The following NTM variants were observed in gnomAD, a reference collection of about 807,000 sequenced individuals.
NTM encodes the protein neurotrimin, also known as IgLON family member 2.
Under a neutral mutation model 42.1 loss-of-function variants are expected in NTM, and 13 were observed. The ratio of observed to expected loss-of-function variants is 0.31; its 90% confidence interval spans 0.20 to 0.49. The LOEUF is 0.49. Ranked by LOEUF, NTM falls within the 20% of genes least tolerant of loss-of-function variation. The probability of loss-of-function intolerance (pLI) is 0.99; values close to 1 mark genes in which losing one functional copy is unlikely to be tolerated. For missense variants in NTM, 373 were observed against 452.8 expected (o/e 0.82, Z 1.60); for synonymous variants, 187 against 179.2 (o/e 1.04, Z -0.35).
chr11:131,893,328 T>C (rs2051687297), intron 1 of NTM, among the ~76,000 whole-genome samples: 1 of 152,182 alleles, frequency 6.6e-6, no homozygotes, highest in Non-Finnish European at 1.5e-5. Flanking sequence ...AATGAGTCAG[T>C]TTCCTCCTTC....
chr11:131,509,142 A>G (rs1235759818), intron 1 of NTM, among the ~76,000 whole-genome samples: 3 of 152,176 alleles, frequency 2.0e-5, no homozygotes, highest in East Asian at 3.8e-4. Context: ...CACCATGTCA[A>G]ATCTTCCAGG....
chr11:131,607,335 G>A (rs562017588), intron 1 of NTM, among the ~76,000 whole-genome samples: 6 of 152,154 alleles, frequency 3.9e-5, no homozygotes, highest in African/African-American at 1.2e-4. Context: ...GCTGTTTTGC[G>A]GTTATAGTCC....
rs1474295508 is a variant in NTM, at chr11:132,164,995, C to A, written c.400+18481C>A. Among the ~76,000 whole-genome samples the A allele has an allele frequency of 2.0e-5, 3 of 152,158 alleles. No homozygotes were observed. The South Asian group carries it at 6.2e-4, about 32-fold the overall frequency. On this transcript the variant is annotated intron_variant, in intron 3 of 8. Coordinates refer to ENST00000683400, the MANE Select transcript of NTM (RefSeq NM_001352005.2). Reference sequence around the variant, plus strand: ...ACGGCTGTTTTATTCTCAGCTCCCCCTCCCCTGTTGGCCTACACATAGTCT... The same window carrying A: ...ACGGCTGTTTTATTCTCAGCTCCCCATCCCCTGTTGGCCTACACATAGTCT...
At chr11:131,789,722 G>T (rs191220699) in intron 1 of NTM, among the ~76,000 whole-genome samples, 24 of 146,810 alleles carry the variant, frequency 1.6e-4, no homozygotes, top group East Asian at 1.4e-3. Flanking sequence ...TTTGGGAGGT[G>T]GAGGCAGGCG....
chr11:132,335,743 T>A lies in NTM; in HGVS notation c.*597T>A, dbSNP rs1375800863. 2.6e-5 allele frequency: 4 copies of A among 152,384 alleles called. 1 individual carries two copies. Among genetic ancestry groups the A allele is most frequent in the Non-Finnish European group, 1.5e-5 (1 of 68,012 alleles). The allele number at this position is 152,384 out of a possible 1,614,324, so 9.4% of individuals were successfully genotyped here. A position where few individuals can be genotyped will look rare whatever the true frequency, so the allele number is the denominator to read the frequency against. On this transcript the variant is annotated 3_prime_UTR_variant, in exon 9 of 9. Transcript: ENST00000683400. ...ATACCGTTAAACTTTTTTTTTTTTT[T>A]ATCATTTTACTACATGAACATCATG...
chr11:131,645,005 T>C (rs140535233), intron 1 of NTM, among the ~76,000 whole-genome samples: 1 of 152,258 alleles, frequency 6.6e-6, no homozygotes, highest in East Asian at 1.9e-4. Flanking sequence ...GTCAAGCTTC[T>C]CTGGGTCCAC....
chr11:131,956,559 T>C (rs189326444), intron 2 of NTM, among the ~76,000 whole-genome samples: 3 of 150,852 alleles, frequency 2.0e-5, no homozygotes, highest in African/African-American at 7.3e-5. Context: ...CCTGCGTTCC[T>C]AGGGTACTGC....
At chr11:132,257,831 T>G (rs1455319613) in intron 4 of NTM, among the ~76,000 whole-genome samples, 1 of 152,198 alleles carries the variant, frequency 6.6e-6, no homozygotes, top group Non-Finnish European at 1.5e-5. Flanking sequence ...ATAAAAGAAT[T>G]TCTCCTCTGT....
intron 1 of NTM, chr11:131,539,631 C>T (rs1304967949): frequency 6.6e-6 from 1 of 152,260 alleles, no homozygotes; most frequent in East Asian, 1.9e-4. Context: ...AAGAAGTGGG[C>T]TCTGAGAATA....
At chr11:131,396,584 T>C (rs571516956) in intron 1 of NTM, among the ~76,000 whole-genome samples, 1 of 152,258 alleles carries the variant, frequency 6.6e-6, no homozygotes, top group South Asian at 2.1e-4. Flanking sequence ...ATCCCAGCAC[T>C]TTGGGAGGCC....
At chr11:131,393,852 G>T (rs754583827) in intron 1 of NTM, among the ~76,000 whole-genome samples, 16 of 152,216 alleles carry the variant, frequency 1.1e-4, no homozygotes, top group Admixed American at 2.0e-4. Context: ...ATTGGGAGAG[G>T]CTTTTGTTGT....
chr11:131,788,232 T>C (rs1001725022), intron 1 of NTM, among the ~76,000 whole-genome samples: 1 of 152,138 alleles, frequency 6.6e-6, no homozygotes, highest in Non-Finnish European at 1.5e-5. Context: ...TTCTTCAATT[T>C]ATCTATCTTC....
At chr11:132,265,436 A>G (rs1260745776) in intron 4 of NTM, among the ~76,000 whole-genome samples, 1 of 152,186 alleles carries the variant, frequency 6.6e-6, no homozygotes, top group Non-Finnish European at 1.5e-5. Context: ...AGGAGACATC[A>G]AATCTTTTCT....
At chr11:131,935,556 G>A (rs955350113) in intron 2 of NTM, among the ~76,000 whole-genome samples, 1 of 151,916 alleles carries the variant, frequency 6.6e-6, no homozygotes, top group African/African-American at 2.4e-5. Flanking sequence ...CATGTGTGCT[G>A]ACCACAGATA....
chr11:131,853,697 A>T (rs2045818955), intron 1 of NTM, among the ~76,000 whole-genome samples: 1 of 152,238 alleles, frequency 6.6e-6, no homozygotes, highest in African/African-American at 2.4e-5. Context: ...GTGCTGCAAT[A>T]AACATACACT....
chr11:131,910,916 C>T (rs2054774477), intron 1 of NTM: 2 of 987,168 alleles, frequency 2.0e-6, no homozygotes, highest in Non-Finnish European at 2.4e-6. Flanking sequence ...GCCGTCTCCT[C>T]CGCGCGCCAC....
chr11:131,496,189 T>C (rs1454578132), intron 1 of NTM, among the ~76,000 whole-genome samples: 1 of 152,220 alleles, frequency 6.6e-6, no homozygotes, highest in Non-Finnish European at 1.5e-5. Flanking sequence ...AGAAGCATTT[T>C]AGGGTTCTTT....
intron 2 of NTM, among the ~76,000 whole-genome samples, chr11:132,107,485 G>C (rs776512280): frequency 6.6e-6 from 1 of 150,720 alleles, no homozygotes; most frequent in Non-Finnish European, 1.5e-5. Flanking sequence ...TGAGTAGCTA[G>C]AAGTAGAGGT....
rs574153905 is a variant in NTM, at chr11:132,242,140, A to G, written c.526+29993A>G. On this transcript the variant is annotated intron_variant, in intron 4 of 8. Transcript: ENST00000683400. ...TCGGAAGAATTCAAGAGCCTTCAGT[A>G]GGCCTCTCAGTCCTTAGCCTCAGAT... 1.5e-4 allele frequency among the ~76,000 whole-genome samples: 23 copies of G among 152,350 alleles called. 1 individual carries two copies. In the South Asian group the frequency reaches 1.9e-3, roughly 12 times the overall value.
Sources: allele counts gnomAD v4.1 joint callset (sites outside exome capture counted in the v4.1 genomes callset), GRCh38; gene constraint gnomAD v4.1.1; transcripts MANE v1.5; gene names NCBI Gene and HGNC (gene_info 2026-07-23, HGNC 2026-07-21).